Variants in GALK2 observed in about 807,000 individuals in gnomAD.
The protein encoded by GALK2 is N-acetylgalactosamine kinase.
A neutral mutation model predicts 52.4 loss-of-function variants in GALK2; 36 were observed. The observed-to-expected ratio is 0.69, with a 90% CI of 0.53 to 0.91. GALK2 has a LOEUF of 0.91. Ranked by LOEUF, GALK2 falls within the 40% of genes least tolerant of loss-of-function variation. GALK2 has a pLI of 0.00. For synonymous variants in GALK2, 176 were observed against 199.1 expected (o/e 0.88, Z 0.98); for missense variants, 579 against 559.1 (o/e 1.04, Z -0.36).
chr15:49,249,234 C>T (rs1566977214), intron 5 of GALK2, among the ~76,000 whole-genome samples: 1 of 152,182 alleles, frequency 6.6e-6, no homozygotes, highest in Non-Finnish European at 1.5e-5. Flanking sequence ...TCATGCATTT[C>T]TGTTTCACAG....
intron 4 of GALK2, among the ~76,000 whole-genome samples, chr15:49,237,050 T>G (rs1299276667): frequency 6.6e-6 from 1 of 152,204 alleles, no homozygotes; most frequent in Non-Finnish European, 1.5e-5. Context: ...TATGCATTAG[T>G]GGGAATTACA....
At chr15:49,264,242 C>A (rs984511673) in intron 5 of GALK2, among the ~76,000 whole-genome samples, 1 of 151,804 alleles carries the variant, frequency 6.6e-6, no homozygotes, top group Non-Finnish European at 1.5e-5. Flanking sequence ...CACATAGTCC[C>A]ATATTTCTTG....
At chr15:49,269,639 G>A (rs915415258) in intron 5 of GALK2, among the ~76,000 whole-genome samples, 2 of 152,140 alleles carry the variant, frequency 1.3e-5, no homozygotes, top group Non-Finnish European at 2.9e-5. Flanking sequence ...CCTAGGAATT[G>A]AAGTTAAGAC....
At chr15:49,336,787 G>GT (rs2151187262), downstream of GALK2, among the ~76,000 whole-genome samples, 1 of 152,242 alleles carries the variant, frequency 6.6e-6, no homozygotes, top group East Asian at 1.9e-4. Context: ...GAGGTTTGGG[G>GT]TCTGAATGAT....
chr15:49,289,138 C>G (rs1424094797), intron 7 of GALK2, among the ~76,000 whole-genome samples: 1 of 152,040 alleles, frequency 6.6e-6, no homozygotes, highest in African/African-American at 2.4e-5. Context: ...TTAATTTAAC[C>G]TCTGTCTTTT....
rs373768825 is a variant in GALK2, at chr15:49,181,124, C to G, written c.53+10749C>G. Among the ~76,000 whole-genome samples the G allele has an allele frequency of 2.7e-4, 33 of 122,266 alleles. No individual in the cohort carries two copies. In the East Asian group the frequency reaches 8.8e-3, roughly 33 times the overall value. The allele number at this position is 122,266 out of a possible 152,430, so 80.2% of individuals were successfully genotyped here. A position where few individuals can be genotyped will look rare whatever the true frequency, so the allele number is the denominator to read the frequency against. ...CCCCTCCCCTCATCTCCTCTTCTTT[C>G]TTTTGAGACAGGGTCTCACTCTGTT... On this transcript the variant is annotated intron_variant, in intron 1 of 9. Transcript: ENST00000560031.
downstream of GALK2, among the ~76,000 whole-genome samples, chr15:49,334,518 C>T (rs1244821909): frequency 2.0e-5 from 3 of 152,160 alleles, no homozygotes; most frequent in Admixed American, 6.5e-5. Flanking sequence ...AGCTGGACTC[C>T]ACCTTCTGCT....
intron 3 of GALK2, among the ~76,000 whole-genome samples, chr15:49,348,065 G>T (rs2041785151): frequency 6.7e-6 from 1 of 149,586 alleles, no homozygotes; most frequent in Admixed American, 6.7e-5. Flanking sequence ...AAGTGTTAGT[G>T]CTTCAAATGA....
intron 1 of GALK2, chr15:49,177,661 A>C (rs185218422): frequency 4.8e-4 from 150 of 315,072 alleles, no homozygotes; most frequent in African/African-American, 3.1e-3. Flanking sequence ...AGTGAGAATC[A>C]CCAGGAGTGT....
At chr15:49,348,816 C>T (rs557879835) in intron 3 of GALK2, among the ~76,000 whole-genome samples, 1 of 152,148 alleles carries the variant, frequency 6.6e-6, no homozygotes, top group Non-Finnish European at 1.5e-5. Flanking sequence ...GGCTTTTACC[C>T]CAGCCTTTGA....
chr15:49,225,014 T>C (rs2090047539), intron 3 of GALK2, among the ~76,000 whole-genome samples: 1 of 152,224 alleles, frequency 6.6e-6, no homozygotes, highest in Non-Finnish European at 1.5e-5. Context: ...CAGTAAATGG[T>C]GCTTAAGAGT....
At chr15:49,358,535 A>G (rs373315896) in intron 3 of GALK2, among the ~76,000 whole-genome samples, 9 of 148,526 alleles carry the variant, frequency 6.1e-5, no homozygotes, top group Non-Finnish European at 9.0e-5. Flanking sequence ...TACAAGGGAT[A>G]TGAAGGACCT....
At chr15:49,227,857 C>T (rs923425314) in intron 3 of GALK2, among the ~76,000 whole-genome samples, 1 of 151,726 alleles carries the variant, frequency 6.6e-6, no homozygotes, top group East Asian at 1.9e-4. Context: ...ATATATTATC[C>T]CTTTGCTTCC....
intron 1 of GALK2, among the ~76,000 whole-genome samples, chr15:49,175,980 G>A (rs938206163): frequency 6.6e-6 from 1 of 152,184 alleles, no homozygotes; most frequent in Admixed American, 6.5e-5. Context: ...GCTCACTCGG[G>A]GAGCTCGGCT....
At chr15:49,320,616 GCCTCAGTCATTGCCACAC>G (rs1211217748) in intron 9 of GALK2, among the ~76,000 whole-genome samples, 1 of 152,192 alleles carries the variant, frequency 6.6e-6, no homozygotes, top group Non-Finnish European at 1.5e-5. Flanking sequence ...CTTGTGGCTT[GCCTCAGTCATTGCCACAC>G]TCCCAGCCTG....
intron 5 of GALK2, among the ~76,000 whole-genome samples, chr15:49,265,110 C>G (rs954667134): frequency 5.9e-5 from 9 of 152,176 alleles, no homozygotes; most frequent in Admixed American, 3.9e-4. Flanking sequence ...TCAAAGCTGT[C>G]AGACAGGGAC....
chr15:49,247,641 G>C (rs562775015), intron 5 of GALK2, among the ~76,000 whole-genome samples: 2 of 152,314 alleles, frequency 1.3e-5, no homozygotes, highest in South Asian at 4.1e-4. Flanking sequence ...ACAGTTTCAA[G>C]TAATTGGTGA....
intron 3 of GALK2, among the ~76,000 whole-genome samples, chr15:49,232,724 T>TAAAC: frequency 6.6e-6 from 1 of 152,336 alleles, no homozygotes; most frequent in East Asian, 1.9e-4. Context: ...GTCAGTAACC[T>TAAAC]AAACCATCAC....
At chr15:49,280,594 A>C (rs1223497170) in intron 5 of GALK2, among the ~76,000 whole-genome samples, 1 of 152,168 alleles carries the variant, frequency 6.6e-6, no homozygotes, top group Non-Finnish European at 1.5e-5. Context: ...GGTGTTGGCA[A>C]CCAAGCAGGC....
Sources: gnomAD v4.1 joint callset for allele counts (sites outside exome capture counted in the v4.1 genomes callset) on GRCh38, gnomAD v4.1.1 for gene constraint, MANE v1.5 for transcripts, NCBI Gene and HGNC (gene_info 2026-07-23, HGNC 2026-07-21) for gene names.